The following COA8 variants were observed in gnomAD, a reference collection of about 807,000 sequenced individuals.
COA8 encodes the protein UPF0671 protein C14orf153.
COA8 carries 20 observed loss-of-function variants against 22.0 expected under a neutral mutation model. That is an observed-to-expected ratio of 0.91 (90% CI 0.64 to 1.32). The LOEUF (loss-of-function observed/expected upper bound fraction) is 1.32, where lower values mean the gene tolerates loss of function less well. Among genes scored for constraint, COA8 ranks in the 40% most tolerant of loss-of-function variants. The pLI, the probability that COA8 is intolerant of heterozygous loss-of-function variation, is 0.00. For missense variants in COA8, 266 were observed against 230.0 expected, an observed-to-expected ratio of 1.16 and a Z score of -1.01; for synonymous variants, 105 against 79.9, an observed-to-expected ratio of 1.31 and a Z score of -1.68.
intron 2 of COA8, among the ~76,000 whole-genome samples, chr14:103,573,040 CA>C (rs1235724844): frequency 6.6e-6 from 1 of 152,042 alleles, no homozygotes; most frequent in African/African-American, 2.4e-5. Context: ...CTCGGCCTCC[CA>C]AAGTGTTGGG....
Position 103,574,571 on chromosome 14 carries a change from C to T in COA8, c.385+401C>T, listed in dbSNP as rs916484241. ...GGCCTGAATAACATCTCATGCTGTT[C>T]GTTAAACAGATGTCTGCTGCCAAAA... On this transcript the variant is annotated intron_variant, in intron 3 of 4. Coordinates refer to ENST00000409074, the MANE Select transcript of COA8 (RefSeq NM_001370595.2). 1.6e-5 allele frequency: 6 copies of T among 372,790 alleles called. No individual in the cohort carries two copies. In the East Asian group the frequency reaches 2.2e-4, roughly 14 times the overall value. 23.1% of individuals were successfully genotyped at this position (372,790 alleles called of 1,614,324 possible). A position where few individuals can be genotyped will look rare whatever the true frequency, so the allele number is the denominator to read the frequency against.
Position 103,563,015 on chromosome 14 carries a change from G to T in COA8, c.14G>T (p.Arg5Leu), listed in dbSNP as rs866692280. 6.4e-7 allele frequency: 1 copy of T among 1,557,728 alleles called. No individual in the cohort carries two copies. Among genetic ancestry groups the T allele is most frequent in the East Asian group, 2.3e-5 (1 of 43,154 alleles). Residue 5 changes from arginine to leucine, a missense_variant, in exon 1 of 5, where the codon CGG becomes CTG. Coordinates refer to ENST00000409074, the MANE Select transcript of COA8 (RefSeq NM_001370595.2). MVVL[R>L]AGKKTFLPPL... ...GGGCGTGGGGCCATGGTGGTCTTGCGGGCGGGGAAGAAGACCTTTCTCCCC... is the reference window on the plus strand; with the variant it reads ...GGGCGTGGGGCCATGGTGGTCTTGCTGGCGGGGAAGAAGACCTTTCTCCCC...
chr14:103,583,769 C>A (rs1595148244), intron 3 of COA8, among the ~76,000 whole-genome samples: 1 of 152,264 alleles, frequency 6.6e-6, no homozygotes, highest in South Asian at 2.1e-4. Context: ...TGGATAAATT[C>A]CTGTTTACAT....
chr14:103,570,002 G>A (rs59281218), intron 1 of COA8, among the ~76,000 whole-genome samples: 46,014 of 151,864 alleles, frequency 0.3, 7,249 homozygotes, highest in Middle Eastern at 0.38. Flanking sequence ...GACTACAGGT[G>A]CCGGCCACCA....
chr14:103,569,901 G>C (rs1040663882), intron 1 of COA8, among the ~76,000 whole-genome samples: 1 of 152,204 alleles, frequency 6.6e-6, no homozygotes, highest in Non-Finnish European at 1.5e-5. Context: ...CTGTCGCCCA[G>C]GCTGGAATGC....
intron 3 of COA8, among the ~76,000 whole-genome samples, chr14:103,580,752 C>G (rs1479940682): frequency 6.6e-6 from 1 of 151,056 alleles, no homozygotes; most frequent in African/African-American, 2.4e-5. Context: ...CTCAGCCTCC[C>G]AAAGTGCTGG....
In COA8 at chr14:103,571,789, T is replaced by C; in HGVS notation, c.290T>C (p.Phe97Ser). Reference protein sequence around the residue: ...RQETQEWNQQFWANQNLTFSK... With the variant: ...RQETQEWNQQSWANQNLTFSK... The stretch of plus-strand genomic sequence containing the variant: ...GAAACACAAGAATGGAATCAACAGT[T>C]CTGGGCAAACCAGAATTTGACTTTT... Residue 97 changes from phenylalanine (F) to serine (S), a missense_variant, in exon 2 of 5, where the codon TTC (phenylalanine) becomes TCC (serine). Transcript: ENST00000409074. 6.2e-7 allele frequency: 1 copy of C among 1,614,126 alleles called. No individual in the cohort carries two copies. The highest frequency in any genetic ancestry group is 8.5e-7 in the Non-Finnish European group (1 of 1,180,028).
At chr14:103,569,104 C>T (rs902816622) in intron 1 of COA8, among the ~76,000 whole-genome samples, 1 of 152,092 alleles carries the variant, frequency 6.6e-6, no homozygotes, top group African/African-American at 2.4e-5. Context: ...GACATGAGGG[C>T]CGGATGGAAG....
At chr14:103,568,154 T>G (rs2076148907) in intron 1 of COA8, among the ~76,000 whole-genome samples, 2 of 152,206 alleles carry the variant, frequency 1.3e-5, no homozygotes. Flanking sequence ...ATTTTTCTCT[T>G]CATTATTCCC....
rs2076314685 is a variant in COA8 at position 103,587,271 on chromosome 14, C to T, written c.386-3C>T. 1 of 1,609,940 alleles carries T rather than the reference C, an allele frequency of 6.2e-7. No homozygotes were observed. Among genetic ancestry groups the T allele is most frequent in the African/African-American group, 1.3e-5 (1 of 74,804 alleles). On this transcript the variant is annotated splice_region_variant and splice_polypyrimidine_tract_variant and intron_variant, in intron 3 of 4. Coordinates refer to ENST00000409074, the MANE Select transcript of COA8 (RefSeq NM_001370595.2). ...TAATGTTTAAGCTGAAATTACCTTT[C>T]AGGTCAGAAAGCAACATTGAATGCA...
In COA8 at chr14:103,585,861, A is replaced by T. The variant is rs2076302750; in HGVS notation, c.386-1413A>T. 2.0e-5 allele frequency among the ~76,000 whole-genome samples: 3 copies of T among 150,390 alleles called. No individual in the cohort carries two copies. In the South Asian group the frequency reaches 6.3e-4, roughly 31 times the overall value. On this transcript the variant is annotated intron_variant, in intron 3 of 4. Transcript: ENST00000409074. Reference sequence around the variant, plus strand: ...AGTGCTGGGATTACAGGCGTGAGCCACCATGCCCGGCCCGGCCCTTTTTTG... The same window carrying T: ...AGTGCTGGGATTACAGGCGTGAGCCTCCATGCCCGGCCCGGCCCTTTTTTG...
chr14:103,568,928 G>T lies in COA8; in HGVS notation c.124-2695G>T, dbSNP rs549780548. 2.6e-5 allele frequency among the ~76,000 whole-genome samples: 4 copies of T among 152,106 alleles called. No homozygotes were observed. The South Asian group carries it at 6.2e-4, about 24-fold the overall frequency. On this transcript the variant is annotated intron_variant, in intron 1 of 4. Coordinates refer to ENST00000409074, the MANE Select transcript of COA8 (RefSeq NM_001370595.2). ...ATGACAGGCGTGAGCCACCGCGCCCGGCTGAAAAAAGATTTTCACAAGAAC... is the reference window on the plus strand; with the variant it reads ...ATGACAGGCGTGAGCCACCGCGCCCTGCTGAAAAAAGATTTTCACAAGAAC...
At chr14:103,575,535 G>A (rs191691683) in intron 3 of COA8, among the ~76,000 whole-genome samples, 17 of 152,228 alleles carry the variant, frequency 1.1e-4, no homozygotes, top group Admixed American at 5.2e-4. Flanking sequence ...TCTTGTACAC[G>A]GTTGCACCAA....
intron 1 of COA8, chr14:103,563,466 TTGTG>T (rs1180863157): frequency 1.2e-5 from 5 of 423,964 alleles, no homozygotes; most frequent in Non-Finnish European, 1.8e-5. Context: ...TTTTTTTTCG[TTGTG>T]TGTGTGTGTG....
At chr14:103,568,628 T>C (rs1427004918) in intron 1 of COA8, among the ~76,000 whole-genome samples, 1 of 28,230 alleles carries the variant, frequency 3.5e-5, no homozygotes, top group African/African-American at 1.0e-4. Flanking sequence ...TGTGTATATA[T>C]ATATATATAT....
At chr14:103,565,895 A>G (rs1016283923) in intron 1 of COA8, among the ~76,000 whole-genome samples, 4 of 152,082 alleles carry the variant, frequency 2.6e-5, no homozygotes, top group South Asian at 2.1e-4. Flanking sequence ...GATTACAGGT[A>G]TGAGCCACTG....
Position 103,578,047 on chromosome 14 carries a change from A to C in COA8, c.385+3877A>C, listed in dbSNP as rs61996715. 3.1e-4 allele frequency among the ~76,000 whole-genome samples: 44 copies of C among 142,060 alleles called. 1 individual carries two copies. In the East Asian group the frequency reaches 8.4e-3, roughly 27 times the overall value. 93.2% of individuals were successfully genotyped at this position (142,060 alleles called of 152,430 possible). ...CTCAAAAAAAAAAAAAAAAAAAAAA[A>C]GCCAAGTTTGGCAGTATGTGTCTGT... On this transcript the variant is annotated intron_variant, in intron 3 of 4. Coordinates refer to ENST00000409074, the MANE Select transcript of COA8 (RefSeq NM_001370595.2).
chr14:103,569,577 G>A (rs2076165379), intron 1 of COA8, among the ~76,000 whole-genome samples: 1 of 152,184 alleles, frequency 6.6e-6, no homozygotes, highest in Non-Finnish European at 1.5e-5. Context: ...TGCAGCCCTG[G>A]ACAGTGGTCA....
chr14:103,573,762 A>G (rs985345309), intron 2 of COA8, among the ~76,000 whole-genome samples: 2 of 152,114 alleles, frequency 1.3e-5, no homozygotes, highest in African/African-American at 4.8e-5. Flanking sequence ...CATGTTGGCC[A>G]GGCTGGTCTG....
Sources: allele counts gnomAD v4.1 joint callset (sites outside exome capture counted in the v4.1 genomes callset), GRCh38; gene constraint gnomAD v4.1.1; transcripts MANE v1.5; gene names NCBI Gene and HGNC (gene_info 2026-07-23, HGNC 2026-07-21).